TPRG1: variants seen among roughly 807,000 people sequenced by gnomAD.
TPRG1 encodes the protein tumor protein p63-regulated gene 1 protein.
TPRG1 carries 29 observed loss-of-function variants against 29.3 expected under a neutral mutation model. The ratio of observed to expected loss-of-function variants is 0.99; its 90% CI spans 0.74 to 1.35. The LOEUF is 1.35. TPRG1 is among the 40% of genes most tolerant of loss of function. The pLI is 0.00. For missense variants in TPRG1, 327 were observed against 335.0 expected (o/e 0.98, Z 0.19); for synonymous variants, 130 against 116.8 (o/e 1.11, Z -0.73).
chr3:189,199,888 C>A (rs540392080), intron 1 of TPRG1, among the ~76,000 whole-genome samples: 9 of 152,064 alleles, frequency 5.9e-5, no homozygotes, highest in East Asian at 1.9e-4. Flanking sequence ...TCAAAAAAAA[C>A]CAAAACCAAA....
At chr3:189,150,586 A>T (rs1725817285) in intron 4 of TPRG1, 1 of 152,234 alleles carries the variant, frequency 6.6e-6, no homozygotes, top group African/African-American at 2.4e-5. Flanking sequence ...GAAGGAGACG[A>T]CAGTGTGAGG....
At chr3:189,155,889 A>T (rs997896312) in intron 5 of TPRG1, among the ~76,000 whole-genome samples, 1 of 152,236 alleles carries the variant, frequency 6.6e-6, no homozygotes, top group Admixed American at 6.5e-5. Context: ...ATGCAGGATG[A>T]ATAAGTTTGG....
intron 4 of TPRG1, among the ~76,000 whole-genome samples, chr3:189,271,827 T>A (rs924838539): frequency 6.6e-6 from 1 of 152,228 alleles, no homozygotes; most frequent in African/African-American, 2.4e-5. Context: ...ATCCCGATTC[T>A]CATTTACTTG....
intron 2 of TPRG1, among the ~76,000 whole-genome samples, chr3:189,002,516 G>C (rs1485451094): frequency 6.6e-6 from 1 of 152,060 alleles, no homozygotes; most frequent in African/African-American, 2.4e-5. Context: ...TGTAGGAAGG[G>C]CTTGCCTGGC....
intron 3 of TPRG1, among the ~76,000 whole-genome samples, chr3:189,133,013 A>G (rs1013615387): frequency 6.6e-6 from 1 of 152,168 alleles, no homozygotes; most frequent in Non-Finnish European, 1.5e-5. Flanking sequence ...TACTGAAAAC[A>G]GGAAAAACAT....
intron 4 of TPRG1, among the ~76,000 whole-genome samples, chr3:189,095,087 G>C (rs1189595615): frequency 6.6e-6 from 1 of 152,210 alleles, no homozygotes; most frequent in Non-Finnish European, 1.5e-5. Context: ...TGCCTGCTGA[G>C]AGAGGGAGAT....
At chr3:189,299,595 A>G (rs374049259) in intron 4 of TPRG1, among the ~76,000 whole-genome samples, 61 of 151,826 alleles carry the variant, frequency 4.0e-4, no homozygotes, top group African/African-American at 1.4e-3. Flanking sequence ...GCTCTGAGGA[A>G]TGGGCATTTT....
At chr3:189,072,317 TG>T (rs1342022832) in intron 4 of TPRG1, among the ~76,000 whole-genome samples, 1 of 152,226 alleles carries the variant, frequency 6.6e-6, no homozygotes, top group Non-Finnish European at 1.5e-5. Flanking sequence ...TCTAGAGTCA[TG>T]AATTGCATTT....
At chr3:189,079,044 A>G (rs1330145665) in intron 4 of TPRG1, among the ~76,000 whole-genome samples, 5 of 152,336 alleles carry the variant, frequency 3.3e-5, no homozygotes, top group South Asian at 2.1e-4. Context: ...TAGTGCTCAC[A>G]TCGCATCTGC....
At chr3:189,045,102 G>A (rs1714891380) in intron 4 of TPRG1, among the ~76,000 whole-genome samples, 1 of 152,128 alleles carries the variant, frequency 6.6e-6, no homozygotes, top group Non-Finnish European at 1.5e-5. Flanking sequence ...ATTTAACTGT[G>A]CCCTTCATGG....
chr3:189,101,781 TAAA>T (rs1719232625), intron 1 of TPRG1, among the ~76,000 whole-genome samples: 1 of 150,298 alleles, frequency 6.7e-6, no homozygotes, highest in Non-Finnish European at 1.5e-5. Context: ...AAATTAATAA[TAAA>T]AATAATAATA....
chr3:189,024,216 G>A (rs1033356255), intron 4 of TPRG1, among the ~76,000 whole-genome samples: 3 of 152,176 alleles, frequency 2.0e-5, no homozygotes, highest in Admixed American at 6.5e-5. Context: ...GCCCTGGCTG[G>A]GAGAACCTTC....
chr3:189,120,266 A>G (rs1001243282), intron 1 of TPRG1: 1 of 152,234 alleles, frequency 6.6e-6, no homozygotes, highest in Non-Finnish European at 1.5e-5. Context: ...AAAACAAGTG[A>G]CATGATGACT....
intron 1 of TPRG1, among the ~76,000 whole-genome samples, chr3:189,112,501 G>A (rs1720652227): frequency 6.6e-6 from 1 of 152,100 alleles, no homozygotes; most frequent in African/African-American, 2.4e-5. Context: ...GGGTTTTTAT[G>A]GTTTTAGGTC....
chr3:189,188,439 A>T (rs757129325), intron 1 of TPRG1, among the ~76,000 whole-genome samples: 40 of 152,182 alleles, frequency 2.6e-4, no homozygotes, highest in Non-Finnish European at 3.4e-4. Context: ...TCTAGGTCCG[A>T]TGGGTGTGGA....
intron 4 of TPRG1, among the ~76,000 whole-genome samples, chr3:189,306,036 C>A (rs1721580575): frequency 6.6e-6 from 1 of 152,128 alleles, no homozygotes; most frequent in Non-Finnish European, 1.5e-5. Flanking sequence ...TCTATTTGTG[C>A]TTTTTGAGGT....
At chr3:189,305,449 A>G (rs1721478998) in intron 4 of TPRG1, among the ~76,000 whole-genome samples, 2 of 152,256 alleles carry the variant, frequency 1.3e-5, no homozygotes, top group Middle Eastern at 3.4e-3. Context: ...GTTAAGCCAT[A>G]TTTGTTTTTC....
At chr3:189,235,611 T>C (rs577611460) in intron 3 of TPRG1, among the ~76,000 whole-genome samples, 1 of 152,192 alleles carries the variant, frequency 6.6e-6, no homozygotes, top group African/African-American at 2.4e-5. Flanking sequence ...TCTGAAGAAG[T>C]TTGCTAGAAG....
At chr3:189,274,426 A>C (rs1431453943) in intron 4 of TPRG1, among the ~76,000 whole-genome samples, 2 of 152,158 alleles carry the variant, frequency 1.3e-5, no homozygotes, top group Non-Finnish European at 2.9e-5. Context: ...AAAATTTTAC[A>C]GTCAAAGCCA....
Sources: allele counts gnomAD v4.1 joint callset (sites outside exome capture counted in the v4.1 genomes callset), GRCh38; gene constraint gnomAD v4.1.1; transcripts MANE v1.5; gene names NCBI Gene and HGNC (gene_info 2026-07-23, HGNC 2026-07-21).